Variants in ATRNL1 observed in about 807,000 individuals in gnomAD.
ATRNL1 encodes attractin like 1, also known as attractin-like protein 1.
In ATRNL1, 95 loss-of-function variants were observed where a neutral mutation model predicts 182.7. That is an observed-to-expected ratio of 0.52 (90% confidence interval 0.44 to 0.62). ATRNL1 has a LOEUF of 0.62. ATRNL1 is among the 20% of genes least tolerant of loss of function. The probability of loss-of-function intolerance (pLI) is 0.00; values close to 1 mark genes in which losing one functional copy is unlikely to be tolerated. For synonymous variants in ATRNL1, 576 were observed against 568.3 expected (o/e 1.01, Z -0.19); for missense variants, 1,471 against 1,679.5 (o/e 0.88, Z 2.17).
intron 28 of ATRNL1, among the ~76,000 whole-genome samples, chr10:115,938,769 A>G (rs1327971109): frequency 1.3e-5 from 2 of 152,216 alleles, no homozygotes; most frequent in African/African-American, 4.8e-5. Flanking sequence ...CAAATACTGT[A>G]TGACTTCACT....
intron 8 of ATRNL1, among the ~76,000 whole-genome samples, chr10:115,182,038 A>T (rs1320437666): frequency 1.3e-5 from 2 of 151,574 alleles, no homozygotes; most frequent in Non-Finnish European, 3.0e-5. Flanking sequence ...TCCTAAATGA[A>T]TTTTTTCAAA....
intron 19 of ATRNL1, among the ~76,000 whole-genome samples, chr10:115,355,976 C>T (rs1244756586): frequency 1.3e-5 from 2 of 151,630 alleles, no homozygotes; most frequent in African/African-American, 2.4e-5. Flanking sequence ...CTATTTTTAC[C>T]TTATGTTTCT....
chr10:115,533,030 G>C (rs1177412021), intron 25 of ATRNL1, among the ~76,000 whole-genome samples: 4 of 151,754 alleles, frequency 2.6e-5, no homozygotes, highest in African/African-American at 9.7e-5. Flanking sequence ...ATTTTATTGA[G>C]GATTTTTGCA....
At chr10:115,355,979 A>T (rs1001512892) in intron 19 of ATRNL1, among the ~76,000 whole-genome samples, 1 of 152,004 alleles carries the variant, frequency 6.6e-6, no homozygotes, top group African/African-American at 2.4e-5. Context: ...TTTTTACCTT[A>T]TGTTTCTCTT....
chr10:115,398,583 T>C (rs1173233742), intron 20 of ATRNL1, among the ~76,000 whole-genome samples: 1 of 152,120 alleles, frequency 6.6e-6, no homozygotes, highest in Non-Finnish European at 1.5e-5. Flanking sequence ...TGAAGTTGTT[T>C]ATCAGCTGAA....
At chr10:115,621,068 A>G (rs1429759508) in intron 26 of ATRNL1, among the ~76,000 whole-genome samples, 1 of 151,470 alleles carries the variant, frequency 6.6e-6, no homozygotes, top group African/African-American at 2.4e-5. Flanking sequence ...CCTTGTTTTT[A>G]TTTAAATTTG....
At chr10:115,297,113 G>A (rs1483094992) in intron 15 of ATRNL1, among the ~76,000 whole-genome samples, 1 of 107,974 alleles carries the variant, frequency 9.3e-6, no homozygotes, top group Non-Finnish European at 1.9e-5. Flanking sequence ...AAAGAGGCCA[G>A]AGAAATGCCT....
intron 28 of ATRNL1, among the ~76,000 whole-genome samples, chr10:115,921,347 T>C (rs1282588394): frequency 1.3e-5 from 2 of 152,100 alleles, no homozygotes; most frequent in East Asian, 3.9e-4. Flanking sequence ...TCTCAGAAGT[T>C]TATATGTGAA....
At chr10:115,782,491 A>G (rs1458370110) in intron 27 of ATRNL1, among the ~76,000 whole-genome samples, 1 of 152,196 alleles carries the variant, frequency 6.6e-6, no homozygotes, top group Middle Eastern at 3.2e-3. Flanking sequence ...CATTTTGTTA[A>G]ACCTCCTCAC....
intron 13 of ATRNL1, among the ~76,000 whole-genome samples, chr10:115,269,787 CAAAG>C (rs1554912231): frequency 6.6e-6 from 1 of 151,746 alleles, no homozygotes; most frequent in African/African-American, 2.4e-5. Flanking sequence ...AGGTAAAAGG[CAAAG>C]AAAAGGGAGT....
At chr10:115,202,809 A>G (rs1554892797) in intron 8 of ATRNL1, among the ~76,000 whole-genome samples, 2 of 147,392 alleles carry the variant, frequency 1.4e-5, no homozygotes, top group African/African-American at 5.1e-5. Context: ...AAGGAATGGT[A>G]CCAGTTCCTC....
intron 21 of ATRNL1, among the ~76,000 whole-genome samples, chr10:115,436,757 G>A (rs111564163): frequency 0.082 from 12,417 of 151,958 alleles, 1,622 homozygotes; most frequent in African/African-American, 0.28. Context: ...TCATTTACTT[G>A]CGTTTACTGA....
rs540915996 is a variant in ATRNL1 at position 115,412,606 on chromosome 10, A to G, written c.3270-13644A>G. 5.9e-5 allele frequency among the ~76,000 whole-genome samples: 9 copies of G among 152,336 alleles called. No homozygotes were observed. In the South Asian group the frequency reaches 1.9e-3, roughly 32 times the overall value. The stretch of plus-strand genomic sequence containing the variant: ...ACTGAATTATACAACTCTACATTAG[A>G]TATTTTTGTAATATATTCCTTAAGT... On this transcript the variant is annotated intron_variant, in intron 20 of 28. Transcript: ENST00000355044.
chr10:115,435,834 T>C (rs12219580), intron 21 of ATRNL1, among the ~76,000 whole-genome samples: 1 of 152,304 alleles, frequency 6.6e-6, no homozygotes, highest in East Asian at 1.9e-4. Context: ...TTAAGTAAAA[T>C]GAAATTTTAC....
intron 21 of ATRNL1, among the ~76,000 whole-genome samples, chr10:115,456,805 A>G (rs1171001559): frequency 6.6e-6 from 1 of 152,100 alleles, no homozygotes; most frequent in Non-Finnish European, 1.5e-5. Context: ...AAACATACGA[A>G]TATACTGATC....
chr10:115,315,449 T>G, intron 17 of ATRNL1, 69 bp from the exon 18 acceptor site: 1 of 1,112,650 alleles, frequency 9.0e-7, no homozygotes, highest in Non-Finnish European at 1.3e-6. Context: ...TATTTATTTT[T>G]TATTAGCCTA....
At chr10:115,647,755 G>C (rs1367466215) in intron 26 of ATRNL1, among the ~76,000 whole-genome samples, 2 of 152,134 alleles carry the variant, frequency 1.3e-5, no homozygotes. Flanking sequence ...TAGGTTGCCT[G>C]TTCACTCTGA....
chr10:115,361,376 C>A (rs1554944167), intron 19 of ATRNL1, among the ~76,000 whole-genome samples: 1 of 151,874 alleles, frequency 6.6e-6, no homozygotes, highest in Non-Finnish European at 1.5e-5. Context: ...CGGCATTTAT[C>A]TTGTACTTTT....
intron 12 of ATRNL1, among the ~76,000 whole-genome samples, chr10:115,267,296 G>A (rs1042672954): frequency 2.0e-5 from 3 of 150,794 alleles, no homozygotes; most frequent in Admixed American, 6.6e-5. Flanking sequence ...ATGCTTTCCA[G>A]TACATCATTT....
Sources: gnomAD v4.1 joint callset for allele counts (sites outside exome capture counted in the v4.1 genomes callset) on GRCh38, gnomAD v4.1.1 for gene constraint, MANE v1.5 for transcripts, NCBI Gene and HGNC (gene_info 2026-07-23, HGNC 2026-07-21) for gene names.